Variants in CHRM3 observed in about 807,000 individuals in gnomAD.
CHRM3 encodes muscarinic acetylcholine receptor M3.
In CHRM3, 11 loss-of-function variants were observed where a neutral mutation model predicts 41.8. That is an observed-to-expected ratio of 0.26 (90% CI 0.17 to 0.44). The LOEUF is 0.44. Ranked by LOEUF, CHRM3 falls within the 20% of genes least tolerant of loss-of-function variation. The probability of loss-of-function intolerance (pLI) is 1.00; values close to 1 mark genes in which losing one functional copy is unlikely to be tolerated. For missense variants in CHRM3, 571 were observed against 745.4 expected, an observed-to-expected ratio of 0.77 and a Z score of 2.72; for synonymous variants, 297 against 301.4, an observed-to-expected ratio of 0.99 and a Z score of 0.15.
chr1:239,502,564 A>T (rs1572522219), intron 2 of CHRM3, among the ~76,000 whole-genome samples: 1 of 152,172 alleles, frequency 6.6e-6, no homozygotes, highest in East Asian at 1.9e-4. Context: ...GAAAGAAGGA[A>T]CCCTCGCTAA....
At chr1:239,652,785 A>T (rs1207656270) in intron 4 of CHRM3, among the ~76,000 whole-genome samples, 1 of 151,694 alleles carries the variant, frequency 6.6e-6, no homozygotes, top group Non-Finnish European at 1.5e-5. Context: ...TTCTTCCTTC[A>T]TAGTGTGGGG....
chr1:239,398,185 T>G (rs1020297592), intron 1 of CHRM3, among the ~76,000 whole-genome samples: 1 of 152,112 alleles, frequency 6.6e-6, no homozygotes, highest in South Asian at 2.1e-4. Context: ...GATTACAACT[T>G]TGAATCAATA....
rs1488436400 is a variant in CHRM3 at position 239,907,156 on chromosome 1, G to A, written c.-19-277G>A. 6.6e-6 allele frequency among the ~76,000 whole-genome samples: 1 copy of A among 152,110 alleles called. No homozygotes were observed. The highest frequency in any genetic ancestry group is 1.5e-5 in the Non-Finnish European group (1 of 68,032). On this transcript the variant is annotated intron_variant, in intron 6 of 6. Transcript: ENST00000676153. The surrounding 1 kb of genome is among the most constrained non-coding windows in gnomAD (Gnocchi z 5.4). ...GTAAGGGCGATTTTGTCTAGTAACAGAATTACATGGAATATATTTAGAAAT... is the reference window on the plus strand; with the variant it reads ...GTAAGGGCGATTTTGTCTAGTAACAAAATTACATGGAATATATTTAGAAAT...
At chr1:239,700,826 T>C (rs765984090) in intron 5 of CHRM3, among the ~76,000 whole-genome samples, 18 of 152,098 alleles carry the variant, frequency 1.2e-4, no homozygotes, top group Non-Finnish European at 2.2e-4. Context: ...TTGGGAAGTG[T>C]TCCAGTTTGT....
chr1:239,537,569 A>G (rs61096072), intron 2 of CHRM3, among the ~76,000 whole-genome samples: 20,869 of 152,044 alleles, frequency 0.14, 2,165 homozygotes, highest in African/African-American at 0.29. Flanking sequence ...TCCAAACTCT[A>G]TATCAGTCCC....
chr1:239,672,512 T>C (rs1674474792), intron 4 of CHRM3, among the ~76,000 whole-genome samples: 1 of 151,968 alleles, frequency 6.6e-6, no homozygotes, highest in Admixed American at 6.6e-5. Context: ...CCACATGCCA[T>C]AGATCAGAGA....
intron 6 of CHRM3, among the ~76,000 whole-genome samples, chr1:239,891,497 A>G (rs1678546718): frequency 6.6e-6 from 1 of 152,200 alleles, no homozygotes; most frequent in Admixed American, 6.5e-5. Context: ...TAAGAAGCAT[A>G]ACTTCCCGTC....
intron 5 of CHRM3, among the ~76,000 whole-genome samples, chr1:239,804,223 T>C (rs1483306156): frequency 6.6e-6 from 1 of 152,182 alleles, no homozygotes; most frequent in Non-Finnish European, 1.5e-5. Context: ...GGTGGGAGCA[T>C]ATTATGAATA....
At chr1:239,820,949 A>G (rs2149042872) in intron 5 of CHRM3, among the ~76,000 whole-genome samples, 1 of 152,282 alleles carries the variant, frequency 6.6e-6, no homozygotes, top group African/African-American at 2.4e-5. Flanking sequence ...CAATATGGGC[A>G]TTGAGTGAAA....
chr1:239,435,397 C>T (rs1468414433), intron 1 of CHRM3, among the ~76,000 whole-genome samples: 2 of 150,758 alleles, frequency 1.3e-5, no homozygotes, highest in African/African-American at 4.9e-5. Flanking sequence ...TGCAGTGAGC[C>T]GAGATTGCAC....
intron 5 of CHRM3, among the ~76,000 whole-genome samples, chr1:239,769,894 A>T (rs996098562): frequency 3.9e-5 from 6 of 151,974 alleles, no homozygotes; most frequent in African/African-American, 1.2e-4. Flanking sequence ...AAAAAAAAAA[A>T]TTATTTGCGT....
At chr1:239,531,766 T>A (rs1180627367) in intron 2 of CHRM3, among the ~76,000 whole-genome samples, 1 of 145,402 alleles carries the variant, frequency 6.9e-6, no homozygotes, top group Non-Finnish European at 1.5e-5. Context: ...TTCATGCAAT[T>A]CTCCTGTCTC....
intron 5 of CHRM3, among the ~76,000 whole-genome samples, chr1:239,777,249 G>A (rs1231556910): frequency 6.6e-6 from 1 of 152,156 alleles, no homozygotes; most frequent in Non-Finnish European, 1.5e-5. Context: ...AAGCCAAATC[G>A]ACATGATCAT....
At chr1:239,395,406 G>T (rs1173269002) in intron 1 of CHRM3, among the ~76,000 whole-genome samples, 2 of 152,128 alleles carry the variant, frequency 1.3e-5, no homozygotes, top group Non-Finnish European at 2.9e-5. Flanking sequence ...TGAATAGCAT[G>T]ACCATCCTAC....
At chr1:239,532,457 C>G (rs997962770) in intron 2 of CHRM3, among the ~76,000 whole-genome samples, 7 of 151,106 alleles carry the variant, frequency 4.6e-5, no homozygotes, top group Admixed American at 3.9e-4. Flanking sequence ...GAAACCCCCT[C>G]TCTACTAAAG....
chr1:239,574,909 A>AC (rs1662184345), intron 3 of CHRM3, among the ~76,000 whole-genome samples: 1 of 152,080 alleles, frequency 6.6e-6, no homozygotes, highest in African/African-American at 2.4e-5. Flanking sequence ...AATGGAGGTA[A>AC]CAATCTTTTA....
intron 1 of CHRM3, among the ~76,000 whole-genome samples, chr1:239,412,096 T>C (rs1661122796): frequency 6.6e-6 from 1 of 151,490 alleles, no homozygotes; most frequent in Non-Finnish European, 1.5e-5. Context: ...AATATTAATA[T>C]GTTTTGACTG....
chr1:239,702,355 G>A (rs1660762469), intron 5 of CHRM3, among the ~76,000 whole-genome samples: 1 of 152,080 alleles, frequency 6.6e-6, no homozygotes, highest in Non-Finnish European at 1.5e-5. Flanking sequence ...ATCAAGGGAG[G>A]ATGCTGCTGT....
intron 1 of CHRM3, among the ~76,000 whole-genome samples, chr1:239,393,353 AG>A (rs1659207485): frequency 6.6e-6 from 1 of 152,226 alleles, no homozygotes; most frequent in African/African-American, 2.4e-5. Flanking sequence ...ATAGTCTAAA[AG>A]CACAACTTCT....
Sources: allele counts gnomAD v4.1 joint callset (sites outside exome capture counted in the v4.1 genomes callset), GRCh38; gene constraint gnomAD v4.1.1; non-coding constraint Gnocchi (gnomAD v3.1); transcripts MANE v1.5; gene names NCBI Gene and HGNC (gene_info 2026-07-23, HGNC 2026-07-21).